MOB3B: variants seen among roughly 807,000 people sequenced by gnomAD.
MOB3B encodes MOB kinase activator 3B.
MOB3B carries 7 observed loss-of-function variants against 18.7 expected under a neutral mutation model. The ratio of observed to expected loss-of-function variants is 0.37; its 90% CI spans 0.21 to 0.70. The LOEUF (loss-of-function observed/expected upper bound fraction) is 0.70. Among genes scored for constraint, MOB3B ranks in the 30% least tolerant of loss-of-function variants. The pLI is 0.52. For synonymous variants in MOB3B, 111 were observed against 99.9 expected (o/e 1.11, Z -0.66); for missense variants, 253 against 281.3 (o/e 0.90, Z 0.72).
intron 1 of MOB3B, among the ~76,000 whole-genome samples, chr9:27,485,570 C>T (rs1473228325): frequency 1.3e-5 from 2 of 152,200 alleles, no homozygotes; most frequent in Non-Finnish European, 2.9e-5. Flanking sequence ...CCAATGGCTC[C>T]TGCTTTACAT....
At chr9:27,512,201 T>C (rs1032745838) in intron 1 of MOB3B, among the ~76,000 whole-genome samples, 1 of 152,178 alleles carries the variant, frequency 6.6e-6, no homozygotes, top group African/African-American at 2.4e-5. Flanking sequence ...TCAAGTACCC[T>C]GGTTTTGAGC....
chr9:27,444,183 G>GAAAGAA (rs1822646410), intron 2 of MOB3B, among the ~76,000 whole-genome samples: 1 of 142,252 alleles, frequency 7.0e-6, no homozygotes, highest in Admixed American at 7.2e-5. Context: ...AAGAAGGAAG[G>GAAAGAA]AAAGAAAGAA....
At position 27,455,484 on chromosome 9, in the gene MOB3B, G is replaced by A. The variant is rs763076499; in HGVS notation, c.67C>T (p.Pro23Ser). ...TGCAGCTCAAACCTCTGTGTGCCAGGTTCAAATTTCCTCTTGGGTCGGAAG... is the reference window on the plus strand; with the variant it reads ...TGCAGCTCAAACCTCTGTGTGCCAGATTCAAATTTCCTCTTGGGTCGGAAG... Reference protein sequence around the residue: ...KTFRPKRKFEPGTQRFELHKR... With the variant: ...KTFRPKRKFESGTQRFELHKR... The change falls in exon 2 of 4, where the codon CCT (proline) becomes TCT (serine). Residue 23 changes from proline (P) to serine (S), a missense_variant. Transcript: ENST00000262244. The A allele has an allele frequency of 1.9e-6, 3 of 1,614,216 alleles. No homozygotes were observed. The highest frequency in any genetic ancestry group is 1.6e-4 in the Middle Eastern group (1 of 6,062).
chr9:27,479,809 G>T (rs1239793399), intron 1 of MOB3B, among the ~76,000 whole-genome samples: 13 of 152,196 alleles, frequency 8.5e-5, no homozygotes. Context: ...CTAAGCTCGT[G>T]CTTTGGGAGG....
Position 27,483,125 on chromosome 9 carries a change from CTTTTTT to C in MOB3B, c.-198-27383_-198-27378del, listed in dbSNP as rs71492747. Among the ~76,000 whole-genome samples, 277 of 68,578 alleles carry C rather than the reference CTTTTTT, an allele frequency of 4.0e-3. 1 individual carries two copies. Among genetic ancestry groups the C allele is most frequent in the African/African-American group, 0.017 (274 of 16,382 alleles). 45.0% of individuals were successfully genotyped at this position (68,578 alleles called of 152,430 possible). On this transcript the variant is annotated intron_variant, in intron 1 of 3. Coordinates refer to ENST00000262244, the MANE Select transcript of MOB3B (RefSeq NM_024761.5). ...AGTAAATGTCTACAAATATACGGTA[CTTTTTT>C]TTTTTTTTTTTTTTTTTTTGAGACG... is the stretch of plus-strand genomic sequence containing the variant.
At chr9:27,406,306 A>G (rs2131397353) in intron 2 of MOB3B, among the ~76,000 whole-genome samples, 1 of 152,334 alleles carries the variant, frequency 6.6e-6, no homozygotes, top group East Asian at 1.9e-4. Flanking sequence ...AGAAACCAAG[A>G]AAGTAATCCC....
At chr9:27,372,137 T>G (rs1193819377) in intron 2 of MOB3B, among the ~76,000 whole-genome samples, 1 of 152,070 alleles carries the variant, frequency 6.6e-6, no homozygotes, top group Non-Finnish European at 1.5e-5. Flanking sequence ...ATTCTAGGAC[T>G]GAGGCAGGAA....
chr9:27,389,845 C>T (rs535845995), intron 2 of MOB3B, among the ~76,000 whole-genome samples: 15 of 152,080 alleles, frequency 9.9e-5, no homozygotes, highest in South Asian at 6.2e-4. Context: ...CAGCCTGGAC[C>T]GAGACCGAGG....
intron 2 of MOB3B, chr9:27,421,751 C>T (rs1382116080): frequency 1.3e-5 from 2 of 152,298 alleles, no homozygotes; most frequent in Admixed American, 1.3e-4. Context: ...ACCCCAGAAC[C>T]TTGGTATTCA....
chr9:27,493,910 G>A (rs112020289), intron 1 of MOB3B, among the ~76,000 whole-genome samples: 5,347 of 152,210 alleles, frequency 0.035, 128 homozygotes, highest in Middle Eastern at 0.065. Context: ...CCGGTGAGCC[G>A]GGCAGAACAG....
chr9:27,468,418 T>C (rs116351017), intron 1 of MOB3B, among the ~76,000 whole-genome samples: 3,233 of 152,296 alleles, frequency 0.021, 93 homozygotes, highest in African/African-American at 0.073. Flanking sequence ...GCCTCTCCCT[T>C]GCCCAGCCTC....
In MOB3B at chr9:27,455,639, C is replaced by T; in HGVS notation, c.-89G>A. 1.3e-6 allele frequency: 2 copies of T among 1,581,212 alleles called. No homozygotes were observed. The highest frequency in any genetic ancestry group is 1.7e-6 in the Non-Finnish European group (2 of 1,169,780). ...GAGATCACAGCCCAACAGTGTTTTC[C>T]ACTGCCAGCACTCAGGCCCCAGTCT... On this transcript the variant is annotated 5_prime_UTR_variant, in exon 2 of 4. Coordinates refer to ENST00000262244, the MANE Select transcript of MOB3B (RefSeq NM_024761.5).
Position 27,475,751 on chromosome 9 carries a change from T to A in MOB3B, c.-198-20003A>T, listed in dbSNP as rs73646508. Among the ~76,000 whole-genome samples the A allele has an allele frequency of 3.8e-3, 584 of 152,336 alleles. 2 individuals carry two copies. Among genetic ancestry groups the A allele is most frequent in the African/African-American group, 0.013 (561 of 41,576 alleles). ...CAATTCTAGTAGTCTAGTTGCTCTG[T>A]CTAATCAATTTGAAAGTATATCATT... On this transcript the variant is annotated intron_variant, in intron 1 of 3. Coordinates refer to ENST00000262244, the MANE Select transcript of MOB3B (RefSeq NM_024761.5).
At chr9:27,462,518 C>T (rs866339863) in intron 1 of MOB3B, among the ~76,000 whole-genome samples, 7 of 152,032 alleles carry the variant, frequency 4.6e-5, no homozygotes, top group Non-Finnish European at 7.4e-5. Context: ...GAACCTTGAA[C>T]GGATATTGAG....
At chr9:27,487,027 A>G (rs531567575) in intron 1 of MOB3B, among the ~76,000 whole-genome samples, 10 of 152,202 alleles carry the variant, frequency 6.6e-5, no homozygotes, top group Middle Eastern at 6.8e-3. Flanking sequence ...GCTACTCAGG[A>G]GGCTGAGGAA....
At chr9:27,400,063 C>G (rs1322760218) in intron 2 of MOB3B, among the ~76,000 whole-genome samples, 5 of 152,222 alleles carry the variant, frequency 3.3e-5, no homozygotes, top group Non-Finnish European at 7.3e-5. Context: ...TGCCTGTCCT[C>G]TCTGCTCTTC....
intron 3 of MOB3B, among the ~76,000 whole-genome samples, chr9:27,350,893 T>C (rs895347519): frequency 2.0e-5 from 3 of 149,940 alleles, no homozygotes; most frequent in Admixed American, 6.7e-5. Context: ...TCTGCTGCCA[T>C]GGTGGGCTTT....
chr9:27,454,383 A>G (rs886791243), intron 2 of MOB3B, among the ~76,000 whole-genome samples: 5 of 152,260 alleles, frequency 3.3e-5, no homozygotes, highest in African/African-American at 9.6e-5. Flanking sequence ...AACAGTGGAC[A>G]TAGGAGATTG....
chr9:27,340,661 T>A (rs938052591), intron 3 of MOB3B, among the ~76,000 whole-genome samples: 3 of 152,316 alleles, frequency 2.0e-5, no homozygotes, highest in African/African-American at 7.2e-5. Context: ...TTCCCACCTG[T>A]ATCAACCTGG....
Sources: allele counts gnomAD v4.1 joint callset (sites outside exome capture counted in the v4.1 genomes callset), GRCh38; gene constraint gnomAD v4.1.1; transcripts MANE v1.5; gene names NCBI Gene and HGNC (gene_info 2026-07-23, HGNC 2026-07-21).